Variants in NPHP4 observed in about 807,000 individuals in gnomAD.
NPHP4 encodes nephrocystin-4.
Under a neutral mutation model 155.8 loss-of-function variants are expected in NPHP4, and 151 were observed. That is an observed-to-expected ratio of 0.97 (90% CI 0.85 to 1.11). The LOEUF (loss-of-function observed/expected upper bound fraction) is 1.11. NPHP4 is among the 50% of genes least tolerant of loss of function. The pLI is 0.00. For synonymous variants in NPHP4, 845 were observed against 816.8 expected (o/e 1.03, Z -0.59); for missense variants, 1,956 against 1,925.7 (o/e 1.02, Z -0.29).
intron 11 of NPHP4, among the ~76,000 whole-genome samples, chr1:5,925,345 C>T (rs1192640818): frequency 2.0e-5 from 3 of 152,090 alleles, no homozygotes; most frequent in South Asian, 2.1e-4. Context: ...GGAGGATGTG[C>T]GTAGATTACA....
At chr1:5,951,806 G>C (rs759938483) in intron 7 of NPHP4, among the ~76,000 whole-genome samples, 2 of 152,226 alleles carry the variant, frequency 1.3e-5, no homozygotes, top group African/African-American at 2.4e-5. Context: ...GAAAATCCAA[G>C]ACAACTTTTG....
chr1:5,879,798 AACAC>A (rs1231853008), intron 19 of NPHP4, among the ~76,000 whole-genome samples: 112 of 75,776 alleles, frequency 1.5e-3, no homozygotes, highest in African/African-American at 5.6e-3. Context: ...CACACACGCA[AACAC>A]ACACACACAC....
Position 5,926,363 on chromosome 1 carries a change from T to A in NPHP4, c.1441+1286A>T, listed in dbSNP as rs148376780. On this transcript the variant is annotated intron_variant, in intron 11 of 29. Coordinates refer to ENST00000378156, the MANE Select transcript of NPHP4 (RefSeq NM_015102.5). ...GAATCCTGAAAGACCATGTTTATTA[T>A]GTATTACTATTGTACTTTTAAGTAA... Among the ~76,000 whole-genome samples the A allele has an allele frequency of 6.1e-3, 922 of 152,374 alleles. 11 individuals carry two copies. The highest frequency in any genetic ancestry group is 0.02 in the African/African-American group (822 of 41,594).
intron 1 of NPHP4, among the ~76,000 whole-genome samples, chr1:5,987,591 T>A (rs544116702): frequency 5.9e-5 from 9 of 152,264 alleles, no homozygotes; most frequent in African/African-American, 1.9e-4. Context: ...AGAACATCCT[T>A]GGTGAAGCCG....
Position 5,976,521 on chromosome 1 carries a change from G to A in NPHP4, c.279+1749C>T, listed in dbSNP as rs771340746. On this transcript the variant is annotated intron_variant, in intron 3 of 29. Coordinates refer to ENST00000378156, the MANE Select transcript of NPHP4 (RefSeq NM_015102.5). ...CTCATGGCGAGCCTCCTGCCACAGC[G>A]CAGGCCCGAGGGGACCCCCTGCCCG... 4.6e-5 allele frequency among the ~76,000 whole-genome samples: 7 copies of A among 152,214 alleles called. No individual in the cohort carries two copies. In the East Asian group the frequency reaches 5.8e-4, roughly 13 times the overall value.
At chr1:5,866,306 CA>C in intron 26 of NPHP4, 66 bp downstream of exon 26, 1 of 1,036,950 alleles carries the variant, frequency 9.6e-7, no homozygotes, top group African/African-American at 1.6e-5. Flanking sequence ...AATCCACCAG[CA>C]GCCCCAGGCC....
chr1:5,907,229 G>T lies in NPHP4; in HGVS notation c.1504-7C>A. 1 of 1,558,616 alleles carries T rather than the reference G, an allele frequency of 6.4e-7. No individual in the cohort carries two copies. The highest frequency in any genetic ancestry group is 1.2e-5 in the South Asian group (1 of 84,192). On this transcript the variant is annotated splice_region_variant and splice_polypyrimidine_tract_variant and intron_variant, in intron 12 of 29. Transcript: ENST00000378156. ...CCAGCTGGGAAATTGACAACTGGAA[G>T]GAAAGAGAGCACAGGTGAGGGGCTC...
In NPHP4 at chr1:5,867,960, C is replaced by T; in HGVS notation, c.3316-64G>A. 1 of 1,546,854 alleles carries T rather than the reference C, an allele frequency of 6.5e-7. No individual in the cohort carries two copies. The highest frequency in any genetic ancestry group is 8.9e-7 in the Non-Finnish European group (1 of 1,119,590). ...GGCTTGTGAGCAGCTTCTTGTCCCT[C>T]CTTAGACAGCACACGTATCTCCACT... On this transcript the variant is annotated intron_variant, in intron 23 of 29. Coordinates refer to ENST00000378156, the MANE Select transcript of NPHP4 (RefSeq NM_015102.5). The surrounding 1 kb of genome is among the most constrained non-coding windows in gnomAD (Gnocchi z 4.1).
At chr1:5,964,941 A>ATATATATTTTTTTTTTTTTTTT in intron 5 of NPHP4, among the ~76,000 whole-genome samples, 7 of 59,426 alleles carry the variant, frequency 1.2e-4, no homozygotes, top group African/African-American at 5.9e-4. Flanking sequence ...ATATATATAT[A>ATATATATTTTTTTTTTTTTTTT]TTTTTTTTTT....
At chr1:5,978,799 C>G (rs1382125693) in intron 2 of NPHP4, among the ~76,000 whole-genome samples, 1 of 152,208 alleles carries the variant, frequency 6.6e-6, no homozygotes, top group Non-Finnish European at 1.5e-5. Flanking sequence ...CAAGCCACAC[C>G]TGAAGCTTAT....
chr1:5,922,155 G>A (rs1214668050), intron 11 of NPHP4, among the ~76,000 whole-genome samples: 1 of 152,214 alleles, frequency 6.6e-6, no homozygotes, highest in African/African-American at 2.4e-5. Context: ...ATGGAAGAAG[G>A]AGCCAAGGGA....
intron 9 of NPHP4, 72 bp downstream of exon 9, chr1:5,947,032 T>C (rs760787268): frequency 7.9e-6 from 12 of 1,528,150 alleles, no homozygotes; most frequent in Non-Finnish European, 1.1e-5. Flanking sequence ...AAAGCATTCA[T>C]GCCCACTACA....
chr1:5,901,069 TCA>T (rs1235922017), intron 16 of NPHP4, among the ~76,000 whole-genome samples: 1 of 151,922 alleles, frequency 6.6e-6, no homozygotes, highest in Non-Finnish European at 1.5e-5. Context: ...AAAGAATATG[TCA>T]CACCAACGCA....
chr1:5,866,447 T>C lies in NPHP4; in HGVS notation c.3570A>G (p.Glu1190=), dbSNP rs555164. The C allele has an allele frequency of 0.4, 639,624 of 1,588,154 alleles. 131,883 individuals carry two copies. The highest frequency in any genetic ancestry group is 0.43 in the South Asian group (37,994 of 88,178). The change falls in exon 26 of 30, where the codon GAA becomes GAG. Residue 1190 remains glutamate, a synonymous_variant. Transcript: ENST00000378156. The part of the protein sequence containing the change: ...ICETQNVGPG[E]PRDIFLKVAS... ...CCACCTTCAGAAATATGTCCCGTGG[T>C]TCCCCGGGGCCCTGCCAACCAGATG...
intron 16 of NPHP4, among the ~76,000 whole-genome samples, chr1:5,894,648 C>T (rs551191847): frequency 6.6e-6 from 1 of 151,168 alleles, no homozygotes; most frequent in Non-Finnish European, 1.5e-5. Flanking sequence ...GGTATATCCA[C>T]ACAAACAAAA....
chr1:5,927,816 C>A (rs772630699), intron 10 of NPHP4, 29 bp from the exon 11 acceptor site: 2 of 1,586,214 alleles, frequency 1.3e-6, no homozygotes, highest in Admixed American at 1.7e-5. Context: ...GCAGTGATGG[C>A]CACTCCCTTC....
chr1:5,932,461 A>G (rs1646325249), intron 10 of NPHP4, among the ~76,000 whole-genome samples: 2 of 152,142 alleles, frequency 1.3e-5, no homozygotes, highest in East Asian at 1.9e-4. Flanking sequence ...CACCTCGGAG[A>G]GCCCAACGGA....
rs992905987 is a variant in NPHP4, at chr1:5,920,275, G to C, written c.1441+7374C>G. Among the ~76,000 whole-genome samples the C allele has an allele frequency of 1.3e-5, 2 of 151,770 alleles. 1 individual carries two copies. The highest frequency in any genetic ancestry group is 2.9e-5 in the Non-Finnish European group (2 of 67,938). The stretch of plus-strand genomic sequence containing the variant: ...AGGGCCTTGCTATGTTACCCAGGCT[G>C]ATCTCGAACTCTTGGCTTCAAGCCA... On this transcript the variant is annotated intron_variant, in intron 11 of 29. Coordinates refer to ENST00000378156, the MANE Select transcript of NPHP4 (RefSeq NM_015102.5).
Position 5,874,466 on chromosome 1 carries a change from C to G in NPHP4, c.3231+5G>C. 3 of 1,522,558 alleles carry G rather than the reference C, an allele frequency of 2.0e-6. No homozygotes were observed. The highest frequency in any genetic ancestry group is 2.7e-6 in the Non-Finnish European group (3 of 1,132,058). 94.3% of individuals were successfully genotyped at this position (1,522,558 alleles called of 1,614,324 possible). On this transcript the variant is annotated splice_donor_5th_base_variant and intron_variant, in intron 22 of 29. Transcript: ENST00000378156. Reference sequence around the variant, plus strand: ...GCAACTTCCCTGTGTGCCTGACACCCGCACCTGCACCATGGCCAGCTGCCC... The same window carrying G: ...GCAACTTCCCTGTGTGCCTGACACCGGCACCTGCACCATGGCCAGCTGCCC...
Sources: allele counts gnomAD v4.1 joint callset (sites outside exome capture counted in the v4.1 genomes callset), GRCh38; gene constraint gnomAD v4.1.1; non-coding constraint Gnocchi (gnomAD v3.1); transcripts MANE v1.5; gene names NCBI Gene and HGNC (gene_info 2026-07-23, HGNC 2026-07-21).